Variants in CUX2 observed in about 807,000 individuals in gnomAD.
CUX2 encodes homeobox protein cut-like 2.
In CUX2, 40 loss-of-function variants were observed where a neutral mutation model predicts 144.8. That is an observed-to-expected ratio of 0.28 (90% confidence interval 0.21 to 0.36). The LOEUF is 0.36. CUX2 is among the 10% of genes least tolerant of loss of function. CUX2 has a pLI of 1.00. For synonymous variants in CUX2, 827 were observed against 875.6 expected (o/e 0.94, Z 0.98); for missense variants, 1,615 against 1,994.0 (o/e 0.81, Z 3.62).
intron 4 of CUX2, among the ~76,000 whole-genome samples, chr12:111,272,727 G>A (rs1370179917): frequency 6.6e-6 from 1 of 152,152 alleles, no homozygotes; most frequent in African/African-American, 2.4e-5. Flanking sequence ...GCCTCCCAAA[G>A]TGTTGGGATT....
At chr12:111,275,392 C>T (rs1419782948) in intron 4 of CUX2, among the ~76,000 whole-genome samples, 2 of 152,216 alleles carry the variant, frequency 1.3e-5, no homozygotes, top group African/African-American at 4.8e-5. Context: ...CTGCCCTGGT[C>T]TGTCTATTGA....
intron 18 of CUX2, among the ~76,000 whole-genome samples, chr12:111,325,341 A>G (rs528112195): frequency 1.3e-3 from 190 of 151,986 alleles, no homozygotes; most frequent in African/African-American, 4.5e-3. Context: ...GACCGCTGCC[A>G]CTTACCACAC....
At chr12:111,125,981 G>A (rs989445591) in intron 1 of CUX2, among the ~76,000 whole-genome samples, 1 of 151,986 alleles carries the variant, frequency 6.6e-6, no homozygotes, top group African/African-American at 2.4e-5. Flanking sequence ...ACTATATTAG[G>A]GTTCTCCAGA....
chr12:111,346,708 A>G (rs1308447834), intron 21 of CUX2, among the ~76,000 whole-genome samples: 1 of 152,162 alleles, frequency 6.6e-6, no homozygotes, highest in East Asian at 1.9e-4. Flanking sequence ...TCTTGACTTC[A>G]TTTGCTGTAA....
chr12:111,223,588 C>A (rs1881968694), intron 3 of CUX2, among the ~76,000 whole-genome samples: 1 of 152,182 alleles, frequency 6.6e-6, no homozygotes, highest in African/African-American at 2.4e-5. Flanking sequence ...CCAAACCCAT[C>A]CTTTATGTGA....
intron 1 of CUX2, among the ~76,000 whole-genome samples, chr12:111,118,251 G>C (rs766931865): frequency 7.2e-5 from 11 of 151,990 alleles, no homozygotes; most frequent in Non-Finnish European, 1.5e-4. Flanking sequence ...TTTCAAACCA[G>C]GTACTCAAAA....
At chr12:111,319,984 T>A in intron 16 of CUX2, 28 bp from the exon 17 acceptor site, 1 of 1,452,234 alleles carries the variant, frequency 6.9e-7, no homozygotes, top group Non-Finnish European at 9.0e-7. Context: ...ACCCTGGGCC[T>A]CGGGCCGTCC....
At chr12:111,328,054 T>C (rs2136419554) in intron 18 of CUX2, among the ~76,000 whole-genome samples, 1 of 152,142 alleles carries the variant, frequency 6.6e-6, no homozygotes, top group African/African-American at 2.4e-5. Context: ...CGAGACCCTG[T>C]CTCAAAAACA....
chr12:111,162,122 A>T (rs1390267722), intron 1 of CUX2, among the ~76,000 whole-genome samples: 1 of 152,238 alleles, frequency 6.6e-6, no homozygotes. Context: ...CCAGAGAGAG[A>T]AAATGCTTTG....
intron 1 of CUX2, among the ~76,000 whole-genome samples, chr12:111,115,474 A>G (rs1422684201): frequency 6.6e-6 from 1 of 151,792 alleles, no homozygotes; most frequent in African/African-American, 2.4e-5. Flanking sequence ...TTTAGTAGAG[A>G]TGGGGTTTCA....
At chr12:111,273,079 G>T (rs1307997350) in intron 4 of CUX2, among the ~76,000 whole-genome samples, 1 of 152,146 alleles carries the variant, frequency 6.6e-6, no homozygotes. Context: ...GCCTGCCCTT[G>T]GAGACTCTCG....
intron 1 of CUX2, among the ~76,000 whole-genome samples, chr12:111,135,592 G>A (rs12818289): frequency 1.2e-3 from 179 of 152,294 alleles, no homozygotes; most frequent in South Asian, 4.6e-3. Context: ...CATGTGCATC[G>A]CTCATGAATG....
intron 3 of CUX2, among the ~76,000 whole-genome samples, chr12:111,245,457 A>C (rs1397683970): frequency 1.3e-5 from 2 of 151,764 alleles, no homozygotes; most frequent in African/African-American, 4.8e-5. Context: ...CAGAAGCACA[A>C]TTTTTCTTTT....
intron 1 of CUX2, among the ~76,000 whole-genome samples, chr12:111,103,412 A>G (rs1295279045): frequency 2.0e-5 from 3 of 152,236 alleles, no homozygotes; most frequent in East Asian, 3.8e-4. Flanking sequence ...CTGAGATGCT[A>G]TCTCTCAACT....
chr12:111,043,953 A>G (rs916441992), intron 1 of CUX2, among the ~76,000 whole-genome samples: 1 of 152,156 alleles, frequency 6.6e-6, no homozygotes, highest in Non-Finnish European at 1.5e-5. Flanking sequence ...AATCCATCCC[A>G]TAGCTGGCCC....
At chr12:111,331,479 C>A (rs1888119227) in intron 18 of CUX2, among the ~76,000 whole-genome samples, 1 of 152,094 alleles carries the variant, frequency 6.6e-6, no homozygotes, top group Admixed American at 6.6e-5. Context: ...AGGGGTGCCT[C>A]CCTGGGGATG....
chr12:111,308,441 T>C lies in CUX2; in HGVS notation c.1173T>C (p.Pro391=). The stretch of plus-strand genomic sequence containing the variant: ...TTGTCTCCTAGGGCATGGCCAAGCC[T>C]GAAGACTCACTGCTTATTGCAAAGG... ...TCSLPQGMAK[P]EDSLLIAKEA... is the part of the protein sequence containing the mutation. Residue 391 remains proline, a synonymous_variant, in exon 14 of 22, where the codon CCT becomes CCC. Transcript: ENST00000261726. 1.9e-6 allele frequency: 3 copies of C among 1,614,172 alleles called. No individual in the cohort carries two copies. Among genetic ancestry groups the C allele is most frequent in the South Asian group, 2.2e-5 (2 of 91,078 alleles).
At chr12:111,056,332 G>A (rs954873924) in intron 1 of CUX2, among the ~76,000 whole-genome samples, 5 of 152,236 alleles carry the variant, frequency 3.3e-5, no homozygotes, top group Admixed American at 6.5e-5. Context: ...GAATTAGGAC[G>A]GAGCCCAGTT....
At chr12:111,182,419 A>G (rs1879245194) in intron 1 of CUX2, among the ~76,000 whole-genome samples, 1 of 152,352 alleles carries the variant, frequency 6.6e-6, no homozygotes, top group Non-Finnish European at 1.5e-5. Flanking sequence ...GCGTTGGGCA[A>G]ATCCATTCAT....
Sources: gnomAD v4.1 joint callset for allele counts (sites outside exome capture counted in the v4.1 genomes callset) on GRCh38, gnomAD v4.1.1 for gene constraint, MANE v1.5 for transcripts, NCBI Gene and HGNC (gene_info 2026-07-23, HGNC 2026-07-21) for gene names.